The following RNF144B variants were observed in gnomAD, a reference collection of about 807,000 sequenced individuals.
RNF144B encodes E3 ubiquitin-protein ligase RNF144B.
In RNF144B, 25 loss-of-function variants were observed where a neutral mutation model predicts 40.2. The observed-to-expected ratio is 0.62, with a 90% CI of 0.45 to 0.87. The LOEUF is 0.87. Ranked by LOEUF, RNF144B falls within the 40% of genes least tolerant of loss-of-function variation. RNF144B has a pLI of 0.00. For synonymous variants in RNF144B, 145 were observed against 136.3 expected (o/e 1.06, Z -0.44); for missense variants, 365 against 373.7 (o/e 0.98, Z 0.19).
rs1443375318 is a variant in RNF144B at position 18,410,045 on chromosome 6, G to A, written c.165+10346G>A. On this transcript the variant is annotated intron_variant, in intron 2 of 7. Coordinates refer to ENST00000259939, the MANE Select transcript of RNF144B (RefSeq NM_182757.4). This position sits in a 1 kb window ranked among gnomAD's most constrained non-coding sequence, Gnocchi z 4.6. ...GTTGTGTAGACTTTTCCCCCCTTAA[G>A]CATGCCTTTGCCAAAGTTTAATTCT... Among the ~76,000 whole-genome samples, 1 of 152,096 alleles carries A rather than the reference G, an allele frequency of 6.6e-6. No homozygotes were observed. The highest frequency in any genetic ancestry group is 2.4e-5 in the African/African-American group (1 of 41,400).
At chr6:18,394,746 A>G (rs372401417) in intron 1 of RNF144B, among the ~76,000 whole-genome samples, 3 of 152,166 alleles carry the variant, frequency 2.0e-5, no homozygotes, top group South Asian at 4.1e-4. Flanking sequence ...TTCTTTGACA[A>G]TTCTAATGAC....
At position 18,465,084 on chromosome 6, in the gene RNF144B, A is replaced by T; in HGVS notation, c.*17A>T. On this transcript the variant is annotated 3_prime_UTR_variant, in exon 8 of 8. Coordinates refer to ENST00000259939, the MANE Select transcript of RNF144B (RefSeq NM_182757.4). The stretch of plus-strand genomic sequence containing the variant: ...ACAACCTAAAGATCTCTGTGTTCAT[A>T]CGCCCCAGATATGTGAGTTACATGA... The T allele has an allele frequency of 6.2e-7, 1 of 1,612,900 alleles. No homozygotes were observed. The highest frequency in any genetic ancestry group is 1.1e-5 in the South Asian group (1 of 90,884).
At chr6:18,463,874 G>A (rs1759520970) in intron 7 of RNF144B, among the ~76,000 whole-genome samples, 1 of 152,138 alleles carries the variant, frequency 6.6e-6, no homozygotes, top group Admixed American at 6.5e-5. Context: ...TGTCTTAAAT[G>A]GTGGCAGGCA....
chr6:18,392,398 T>C (rs1305862677), intron 1 of RNF144B, among the ~76,000 whole-genome samples: 5 of 152,216 alleles, frequency 3.3e-5, no homozygotes, highest in Admixed American at 1.3e-4. Context: ...AGCAAAGAGA[T>C]TGTTTGGAAA....
intron 1 of RNF144B, 29 bp downstream of exon 1, chr6:18,387,659 C>T (rs779914264): frequency 8.5e-6 from 11 of 1,288,792 alleles, no homozygotes; most frequent in Non-Finnish European, 9.1e-6. Context: ...TTAAAGGCTA[C>T]AGGCGTTGCA....
At chr6:18,427,812 C>T in intron 3 of RNF144B, 127 bp downstream of exon 3, 1 of 616,378 alleles carries the variant, frequency 1.6e-6, no homozygotes, top group South Asian at 2.1e-5. Flanking sequence ...TTTAAAGGAG[C>T]ACTTTATTGC....
intron 4 of RNF144B, among the ~76,000 whole-genome samples, chr6:18,449,743 G>A (rs1412371666): frequency 6.6e-6 from 1 of 151,206 alleles, no homozygotes; most frequent in African/African-American, 2.4e-5. Flanking sequence ...ATTAACATAT[G>A]CGTTATCTAT....
At chr6:18,438,010 G>A (rs1441672553) in intron 3 of RNF144B, among the ~76,000 whole-genome samples, 1 of 152,128 alleles carries the variant, frequency 6.6e-6, no homozygotes, top group Non-Finnish European at 1.5e-5. Flanking sequence ...AATCAAAGAA[G>A]GTGGTGGTTA....
chr6:18,396,575 T>C, intron 1 of RNF144B: 1 of 985,430 alleles, frequency 1.0e-6, no homozygotes, highest in South Asian at 4.7e-5. Context: ...CTGGCCTGTG[T>C]CATTACCCTT....
At chr6:18,435,684 A>G (rs1582429690) in intron 3 of RNF144B, among the ~76,000 whole-genome samples, 1 of 152,178 alleles carries the variant, frequency 6.6e-6, no homozygotes, top group Non-Finnish European at 1.5e-5. Flanking sequence ...TTAACATACT[A>G]TGCAGCCATA....
chr6:18,455,499 C>G (rs1285912180), intron 4 of RNF144B, among the ~76,000 whole-genome samples: 1 of 152,122 alleles, frequency 6.6e-6, no homozygotes. Flanking sequence ...CCTTTATTTT[C>G]TTTTTGCACC....
chr6:18,403,478 C>T (rs1422693351), intron 2 of RNF144B, among the ~76,000 whole-genome samples: 1 of 152,178 alleles, frequency 6.6e-6, no homozygotes, highest in East Asian at 1.9e-4. Flanking sequence ...CAGCCATATT[C>T]TTGCCTTTTT....
In RNF144B at chr6:18,387,421, G is replaced by A; in HGVS notation, c.-246G>A. The A allele has an allele frequency of 3.4e-6, 4 of 1,181,382 alleles. No individual in the cohort carries two copies. In the South Asian group the frequency reaches 4.4e-5, roughly 13 times the overall value. The allele number at this position is 1,181,382 out of a possible 1,614,324, so 73.2% of individuals were successfully genotyped here. On this transcript the variant is annotated 5_prime_UTR_variant, in exon 1 of 8. Transcript: ENST00000259939. ...TGCCAGTCAAGGCTAGGAGGCGGTC[G>A]GGGACTCCGCCTCCTCCCGACCCGT...
At position 18,414,885 on chromosome 6, in the gene RNF144B, T is replaced by C. The variant is rs1280502391; in HGVS notation, c.166-12696T>C. 6.6e-6 allele frequency among the ~76,000 whole-genome samples: 1 copy of C among 152,190 alleles called. No individual in the cohort carries two copies. Among genetic ancestry groups the C allele is most frequent in the Non-Finnish European group, 1.5e-5 (1 of 68,020 alleles). On this transcript the variant is annotated intron_variant, in intron 2 of 7. Coordinates refer to ENST00000259939, the MANE Select transcript of RNF144B (RefSeq NM_182757.4). The surrounding 1 kb of genome is among the most constrained non-coding windows in gnomAD (Gnocchi z 4.9). The stretch of plus-strand genomic sequence containing the variant: ...TGTTATGAAACAAGATAAAGATTTT[T>C]ACAACAAATACCTGTAGAGTTATCC...
In RNF144B at chr6:18,399,572, C is replaced by A; in HGVS notation, c.38C>A (p.Thr13Asn). 6.2e-7 allele frequency: 1 copy of A among 1,614,134 alleles called. No individual in the cohort carries two copies. Among genetic ancestry groups the A allele is most frequent in the South Asian group, 1.1e-5 (1 of 91,076 alleles). ...SAGRLHYLAM[T>N]AENPTPGDLA... The stretch of plus-strand genomic sequence containing the variant: ...GGTAGGCTCCACTATCTCGCCATGA[C>A]TGCTGAAAATCCCACTCCTGGAGAC... The change falls in exon 2 of 8, where the codon ACT becomes AAT. Residue 13 changes from threonine to asparagine, a missense_variant. By Grantham distance (65) the Thr-to-Asn change is moderately conservative (BLOSUM62 0). Coordinates refer to ENST00000259939, the MANE Select transcript of RNF144B (RefSeq NM_182757.4).
chr6:18,461,048 TAGTG>T (rs1482564993), intron 6 of RNF144B, among the ~76,000 whole-genome samples: 2 of 152,146 alleles, frequency 1.3e-5, no homozygotes. Context: ...CAGACATGCT[TAGTG>T]AGTGAGTGTG....
Position 18,465,054 on chromosome 6 carries a change from C to T in RNF144B, c.899C>T (p.Pro300Leu), listed in dbSNP as rs777119394. The change falls in exon 8 of 8, where the codon CCA (proline) becomes CTA (leucine). Residue 300 changes from proline to leucine, a missense_variant. Physicochemically the swap from Pro to Leu is moderately conservative, Grantham distance 98. Transcript: ENST00000259939. Reference protein sequence around the residue: ...SCRGKKKKHDPSTT With the variant: ...SCRGKKKKHDLSTT ...CGGGGCAAGAAGAAAAAGCACGACCCATCCACAACCTAAAGATCTCTGTGT... is the reference window on the plus strand; with the variant it reads ...CGGGGCAAGAAGAAAAAGCACGACCTATCCACAACCTAAAGATCTCTGTGT... 4.1e-5 allele frequency: 66 copies of T among 1,613,592 alleles called. No homozygotes were observed. The highest frequency in any genetic ancestry group is 5.1e-5 in the Non-Finnish European group (60 of 1,179,870).
chr6:18,387,401 G>T lies in RNF144B; in HGVS notation c.-266G>T. Reference sequence around the variant, plus strand: ...ACAGTCCCGGGCATCGCAGCTGCCAGTCAAGGCTAGGAGGCGGTCGGGGAC... The same window carrying T: ...ACAGTCCCGGGCATCGCAGCTGCCATTCAAGGCTAGGAGGCGGTCGGGGAC... On this transcript the variant is annotated 5_prime_UTR_variant, in exon 1 of 8. Coordinates refer to ENST00000259939, the MANE Select transcript of RNF144B (RefSeq NM_182757.4). The T allele has an allele frequency of 8.6e-7, 1 of 1,160,556 alleles. No individual in the cohort carries two copies. 71.9% of individuals were successfully genotyped at this position (1,160,556 alleles called of 1,614,324 possible). A position where few individuals can be genotyped will look rare whatever the true frequency, so the allele number is the denominator to read the frequency against.
In RNF144B at chr6:18,457,249, G is replaced by C. The variant is rs147356549; in HGVS notation, c.426G>C (p.Leu142=). Residue 142 remains leucine, a synonymous_variant, in exon 5 of 8, where the codon CTG becomes CTC. Coordinates refer to ENST00000259939, the MANE Select transcript of RNF144B (RefSeq NM_182757.4). This position sits in a 1 kb window ranked among gnomAD's most constrained non-coding sequence, Gnocchi z 5.1. Reference sequence around the variant, plus strand: ...CGAGTGACCCAGGACAGCCTGTGCTGGTGGAATGCCCTTCTTGCCACCTGA... The same window carrying C: ...CGAGTGACCCAGGACAGCCTGTGCTCGTGGAATGCCCTTCTTGCCACCTGA... ...VASSDPGQPV[L]VECPSCHLKF... 3.6e-4 allele frequency: 578 copies of C among 1,614,114 alleles called. 1 individual carries two copies. The highest frequency in any genetic ancestry group is 4.6e-4 in the Non-Finnish European group (546 of 1,179,974).
Sources: gnomAD v4.1 joint callset for allele counts (sites outside exome capture counted in the v4.1 genomes callset) on GRCh38, gnomAD v4.1.1 for gene constraint, Gnocchi (gnomAD v3.1) non-coding constraint, MANE v1.5 for transcripts, NCBI Gene and HGNC (gene_info 2026-07-23, HGNC 2026-07-21) for gene names.